The following CNOT1 variants were observed in gnomAD, a reference collection of about 807,000 sequenced individuals.
The protein encoded by CNOT1 is CCR4-NOT transcription complex subunit 1.
CNOT1 carries 15 observed loss-of-function variants against 273.8 expected under a neutral mutation model. That is an observed-to-expected ratio of 0.05 (90% confidence interval 0.04 to 0.08). CNOT1 has a LOEUF of 0.08. Ranked by LOEUF, CNOT1 falls within the 10% of genes least tolerant of loss-of-function variation. CNOT1 has a pLI of 1.00. For missense variants in CNOT1, 1,644 were observed against 2,912.2 expected (o/e 0.56, Z 10.02); for synonymous variants, 1,022 against 1,005.5 (o/e 1.02, Z -0.31).
intron 16 of CNOT1, among the ~76,000 whole-genome samples, chr16:58,562,197 A>AG (rs1439588757): frequency 2.7e-5 from 4 of 150,866 alleles, no homozygotes; most frequent in Non-Finnish European, 5.9e-5. Context: ...AAAAAAAAAA[A>AG]GAGGCTCTAC....
chr16:58,622,935 C>G (rs899979257), intron 1 of CNOT1, among the ~76,000 whole-genome samples: 8 of 151,842 alleles, frequency 5.3e-5, no homozygotes, highest in Admixed American at 4.6e-4. Context: ...CAGTGGCTCA[C>G]GCCTGAAATC....
intron 2 of CNOT1, 25 bp downstream of exon 2, chr16:58,599,211 C>T (rs2152007301): frequency 1.2e-6 from 2 of 1,614,068 alleles, no homozygotes; most frequent in Non-Finnish European, 1.7e-6. Flanking sequence ...TTTAATGGCA[C>T]TTGTTTTCTG....
At chr16:58,533,959 AC>A (rs1321379229) in intron 40 of CNOT1, among the ~76,000 whole-genome samples, 187 bp downstream of exon 40, 1 of 151,748 alleles carries the variant, frequency 6.6e-6, no homozygotes, top group African/African-American at 2.4e-5. Context: ...GTAAGACTCT[AC>A]TAAAAATAGA....
At chr16:58,590,586 C>A (rs1028212114) in intron 2 of CNOT1, among the ~76,000 whole-genome samples, 3 of 151,384 alleles carry the variant, frequency 2.0e-5, no homozygotes, top group African/African-American at 7.3e-5. Flanking sequence ...GGGAGTGAGA[C>A]TCTGTCTCCA....
intron 13 of CNOT1, among the ~76,000 whole-genome samples, chr16:58,577,650 G>T (rs1441261426): frequency 6.6e-6 from 1 of 151,986 alleles, no homozygotes; most frequent in Non-Finnish European, 1.5e-5. Context: ...ATTAGCTTGG[G>T]AAACAGGGCA....
intron 34 of CNOT1, 86 bp from the exon 35 acceptor site, chr16:58,540,045 G>GTATGTT (rs2040042266): frequency 1.5e-6 from 2 of 1,310,400 alleles, no homozygotes; most frequent in South Asian, 1.5e-5. Context: ...AGGTCTACTA[G>GTATGTT]TATGTTTACT....
chr16:58,604,134 A>G (rs1051515831), intron 1 of CNOT1, among the ~76,000 whole-genome samples: 1 of 152,216 alleles, frequency 6.6e-6, no homozygotes, highest in African/African-American at 2.4e-5. Context: ...TAAGTGATTT[A>G]GCCTTAGTAG....
intron 21 of CNOT1, among the ~76,000 whole-genome samples, 165 bp downstream of exon 21, chr16:58,555,086 T>C (rs775593001): frequency 8.5e-5 from 13 of 152,090 alleles, no homozygotes; most frequent in Non-Finnish European, 1.8e-4. Context: ...TATGCACCTG[T>C]GGTCCCAGCT....
chr16:58,608,609 CCT>C (rs1201273726), intron 1 of CNOT1, among the ~76,000 whole-genome samples: 11 of 150,868 alleles, frequency 7.3e-5, no homozygotes, highest in African/African-American at 2.4e-4. Flanking sequence ...AGCAATCCCA[CCT>C]ACTGGGTATC....
At chr16:58,597,614 C>A in intron 2 of CNOT1, 1 of 404,232 alleles carries the variant, frequency 2.5e-6, no homozygotes, top group South Asian at 2.1e-5. Flanking sequence ...GCACTTTGAT[C>A]TGTAAGCAAT....
intron 22 of CNOT1, among the ~76,000 whole-genome samples, chr16:58,552,243 A>T (rs2040475803): frequency 6.6e-6 from 1 of 152,138 alleles, no homozygotes; most frequent in Admixed American, 6.5e-5. Context: ...TACGAAAAAA[A>T]AAAAACTCAC....
intron 1 of CNOT1, among the ~76,000 whole-genome samples, chr16:58,601,554 G>C (rs2042464267): frequency 6.6e-6 from 1 of 152,080 alleles, no homozygotes; most frequent in Non-Finnish European, 1.5e-5. Flanking sequence ...AACTCAGGAA[G>C]ATTAAAACCC....
In CNOT1 at chr16:58,547,363, GA is replaced by G; in HGVS notation, c.3640-68del. The G allele has an allele frequency of 4.4e-6, 7 of 1,588,238 alleles. No homozygotes were observed. Among genetic ancestry groups the G allele is most frequent in the Non-Finnish European group, 6.0e-6 (7 of 1,167,036 alleles). On this transcript the variant is annotated intron_variant, in intron 26 of 48. Coordinates refer to ENST00000317147, the MANE Select transcript of CNOT1 (RefSeq NM_016284.5). The surrounding 1 kb of genome is among the most constrained non-coding windows in gnomAD (Gnocchi z 4.0). ...CCCAAAATGGTATAACAAAACCAAA[GA>G]AAAGTATTTTGCCAAGCTTATCCCC...
chr16:58,580,102 C>T (rs1249362662), intron 12 of CNOT1, among the ~76,000 whole-genome samples: 2 of 151,928 alleles, frequency 1.3e-5, no homozygotes, highest in East Asian at 1.9e-4. Context: ...CCTAGCTACT[C>T]GGGAGGCTGA....
intron 44 of CNOT1, among the ~76,000 whole-genome samples, chr16:58,526,708 C>T (rs1001401487): frequency 6.7e-6 from 1 of 150,148 alleles, no homozygotes; most frequent in African/African-American, 2.5e-5. Context: ...CCCAGCTGCT[C>T]GGGAGTCTGA....
intron 33 of CNOT1, among the ~76,000 whole-genome samples, 155 bp from the exon 34 acceptor site, chr16:58,541,775 G>A (rs1436567168): frequency 6.6e-6 from 1 of 152,242 alleles, no homozygotes. Flanking sequence ...CACAAATGCA[G>A]TTCAGAAGAG....
intron 18 of CNOT1, 42 bp from the exon 19 acceptor site, chr16:58,557,035 T>C (rs2040654263): frequency 6.3e-7 from 1 of 1,599,602 alleles, no homozygotes. Flanking sequence ...TCATTATTCA[T>C]ATTCTTGATT....
At chr16:58,550,829 T>A (rs1249388348) in intron 24 of CNOT1, among the ~76,000 whole-genome samples, 2 of 132,816 alleles carry the variant, frequency 1.5e-5, no homozygotes, top group African/African-American at 4.9e-5. Context: ...GTTATTAGGT[T>A]GTAATAAATA....
chr16:58,592,787 TTTAGAGACCCACA>T, intron 2 of CNOT1, among the ~76,000 whole-genome samples: 1 of 152,180 alleles, frequency 6.6e-6, no homozygotes, highest in East Asian at 1.9e-4. Flanking sequence ...AAGTTGTCCA[TTTAGAGACCCACA>T]TCAGCCCACA....
Sources: gnomAD v4.1 joint callset for allele counts (sites outside exome capture counted in the v4.1 genomes callset) on GRCh38, gnomAD v4.1.1 for gene constraint, Gnocchi (gnomAD v3.1) non-coding constraint, MANE v1.5 for transcripts, NCBI Gene and HGNC (gene_info 2026-07-23, HGNC 2026-07-21) for gene names.